SORCS2: variants seen among roughly 807,000 people sequenced by gnomAD.
SORCS2 encodes sortilin related VPS10 domain containing receptor 2.
SORCS2 carries 100 observed loss-of-function variants against 141.6 expected under a neutral mutation model. The observed-to-expected ratio is 0.71, with a 90% CI of 0.60 to 0.83. The LOEUF (loss-of-function observed/expected upper bound fraction) is 0.83, where lower values mean the gene tolerates loss of function less well. Among genes scored for constraint, SORCS2 ranks in the 40% least tolerant of loss-of-function variants. SORCS2 has a pLI of 0.00. For synonymous variants in SORCS2, 789 were observed against 676.9 expected (o/e 1.17, Z -2.57); for missense variants, 1,646 against 1,560.2 (o/e 1.05, Z -0.93).
At chr4:7,532,467 A>T (rs10022240) in intron 3 of SORCS2, among the ~76,000 whole-genome samples, 16,545 of 152,294 alleles carry the variant, frequency 0.11, 1,141 homozygotes, top group African/African-American at 0.19. Flanking sequence ...CCCTGTGCTC[A>T]GCTCTAATGG....
intron 3 of SORCS2, among the ~76,000 whole-genome samples, chr4:7,558,768 C>A (rs889528020): frequency 6.6e-6 from 1 of 152,156 alleles, no homozygotes; most frequent in African/African-American, 2.4e-5. Context: ...AACTCATACA[C>A]CCCCTCAGGT....
intron 1 of SORCS2, among the ~76,000 whole-genome samples, chr4:7,224,661 C>A (rs1247760137): frequency 6.6e-6 from 1 of 152,204 alleles, no homozygotes; most frequent in African/African-American, 2.4e-5. Context: ...GTGACCTCCC[C>A]CCAGGCCCCA....
chr4:7,683,632 A>G (rs988348565), intron 10 of SORCS2, among the ~76,000 whole-genome samples: 2 of 152,176 alleles, frequency 1.3e-5, no homozygotes, highest in African/African-American at 2.4e-5. Flanking sequence ...TGGGAATTGT[A>G]CTCTGCCCAT....
intron 3 of SORCS2, among the ~76,000 whole-genome samples, chr4:7,627,481 G>A (rs1719588239): frequency 6.6e-6 from 1 of 152,180 alleles, no homozygotes; most frequent in Admixed American, 6.5e-5. Flanking sequence ...GGGGGTGAAT[G>A]GGGCCCTCGT....
At chr4:7,386,049 T>G (rs1332074523) in intron 1 of SORCS2, among the ~76,000 whole-genome samples, 1 of 152,152 alleles carries the variant, frequency 6.6e-6, no homozygotes, top group Non-Finnish European at 1.5e-5. Flanking sequence ...CAGCCACACT[T>G]TGGAGTGGCT....
chr4:7,622,128 G>T (rs554916067), intron 3 of SORCS2, among the ~76,000 whole-genome samples: 2 of 152,144 alleles, frequency 1.3e-5, no homozygotes, highest in African/African-American at 4.8e-5. Context: ...GGATCCCTGC[G>T]CTCCTCAGCA....
chr4:7,523,362 C>G (rs1733462542), intron 2 of SORCS2, among the ~76,000 whole-genome samples: 1 of 152,190 alleles, frequency 6.6e-6, no homozygotes, highest in Non-Finnish European at 1.5e-5. Context: ...CACCTGAGGT[C>G]ACAGAGCCTT....
chr4:7,480,314 C>T (rs996349098), intron 2 of SORCS2, among the ~76,000 whole-genome samples: 6 of 152,170 alleles, frequency 3.9e-5, no homozygotes, highest in Non-Finnish European at 8.8e-5. Flanking sequence ...TTGAGAGAGG[C>T]CTGTGGCTGC....
chr4:7,610,730 T>G (rs1718351975), intron 3 of SORCS2, among the ~76,000 whole-genome samples: 1 of 152,078 alleles, frequency 6.6e-6, no homozygotes, highest in African/African-American at 2.4e-5. Context: ...TCAGGAGCAA[T>G]TGATCTAACA....
chr4:7,638,652 C>T (rs1277825744), intron 4 of SORCS2, among the ~76,000 whole-genome samples, 160 bp downstream of exon 4: 1 of 151,822 alleles, frequency 6.6e-6, no homozygotes, highest in Non-Finnish European at 1.5e-5. Flanking sequence ...ACCCCGTCAT[C>T]GCCCTCTCCT....
At chr4:7,494,863 G>A (rs754059874) in intron 2 of SORCS2, among the ~76,000 whole-genome samples, 42 of 152,208 alleles carry the variant, frequency 2.8e-4, no homozygotes, top group Non-Finnish European at 2.9e-4. Flanking sequence ...TTTGGGCTCC[G>A]GCTCGTCTCT....
chr4:7,579,071 G>A (rs1212142418), intron 3 of SORCS2, among the ~76,000 whole-genome samples: 1 of 152,044 alleles, frequency 6.6e-6, no homozygotes, highest in East Asian at 1.9e-4. Flanking sequence ...GGCTGGTAAT[G>A]CCCACATGTC....
intron 1 of SORCS2, among the ~76,000 whole-genome samples, chr4:7,391,401 C>T (rs10937813): frequency 0.24 from 36,897 of 152,140 alleles, 5,318 homozygotes; most frequent in East Asian, 0.52. Context: ...TAGCCCAGGC[C>T]CCTCATCTCC....
At chr4:7,433,482 C>A in intron 2 of SORCS2, 1 of 1,583,502 alleles carries the variant, frequency 6.3e-7, no homozygotes, top group Non-Finnish European at 8.6e-7. Context: ...GGCAGGCCCC[C>A]ACCTTCTTGC....
intron 1 of SORCS2, among the ~76,000 whole-genome samples, chr4:7,250,280 G>A (rs1350190526): frequency 7.0e-6 from 1 of 142,790 alleles, no homozygotes; most frequent in Non-Finnish European, 1.5e-5. Context: ...AGAAGGTGAA[G>A]GCCTGCTTCC....
chr4:7,274,481 G>C (rs1315032733), intron 1 of SORCS2, among the ~76,000 whole-genome samples: 1 of 152,172 alleles, frequency 6.6e-6, no homozygotes, highest in Admixed American at 6.5e-5. Context: ...GTACAATCAT[G>C]GTGGAAGGCA....
intron 3 of SORCS2, among the ~76,000 whole-genome samples, chr4:7,569,680 C>T (rs937622573): frequency 6.6e-6 from 1 of 152,170 alleles, no homozygotes; most frequent in African/African-American, 2.4e-5. Flanking sequence ...GACGTGGAAT[C>T]ATAAGTCCAG....
chr4:7,444,868 G>A (rs895286123), intron 2 of SORCS2, among the ~76,000 whole-genome samples: 2 of 152,258 alleles, frequency 1.3e-5, no homozygotes, highest in African/African-American at 4.8e-5. Flanking sequence ...TGGTTTGAAT[G>A]TGGCATGTGC....
chr4:7,483,049 G>A (rs1016666871), intron 2 of SORCS2, among the ~76,000 whole-genome samples: 22 of 152,272 alleles, frequency 1.4e-4, no homozygotes, highest in Admixed American at 9.8e-4. Context: ...GGCCGGGCGC[G>A]GTGGCTCGTG....
Sources: gnomAD v4.1 joint callset for allele counts (sites outside exome capture counted in the v4.1 genomes callset) on GRCh38, gnomAD v4.1.1 for gene constraint, MANE v1.5 for transcripts, NCBI Gene and HGNC (gene_info 2026-07-23, HGNC 2026-07-21) for gene names.